The following BABAM1 variants were observed in gnomAD, a reference collection of about 807,000 sequenced individuals.
The protein encoded by BABAM1 is BRISC and BRCA1 A complex member 1, also known as BRISC and BRCA1-A complex member 1.
In BABAM1, 14 loss-of-function variants were observed where a neutral mutation model predicts 34.4. The ratio of observed to expected loss-of-function variants is 0.41; its 90% CI spans 0.27 to 0.64. The LOEUF (loss-of-function observed/expected upper bound fraction) is 0.64, where lower values mean the gene tolerates loss of function less well. Among genes scored for constraint, BABAM1 ranks in the 30% least tolerant of loss-of-function variants. The pLI is 0.34. For synonymous variants in BABAM1, 169 were observed against 165.8 expected (o/e 1.02, Z -0.15); for missense variants, 393 against 434.0 (o/e 0.91, Z 0.84).
intron 3 of BABAM1, among the ~76,000 whole-genome samples, chr19:17,272,671 G>T (rs1014111103): frequency 2.0e-5 from 3 of 151,718 alleles, no homozygotes; most frequent in Non-Finnish European, 4.4e-5. Context: ...CTCCCAAAGT[G>T]CTGGGATTAC....
chr19:17,270,293 C>T (rs1486376652), intron 2 of BABAM1, among the ~76,000 whole-genome samples: 1 of 152,066 alleles, frequency 6.6e-6, no homozygotes, highest in Non-Finnish European at 1.5e-5. Flanking sequence ...TGTGTTCCAC[C>T]CACCTCAGCC....
In BABAM1 at chr19:17,268,911, G is replaced by A. The variant is rs368850794; in HGVS notation, c.105G>A (p.Glu35=). ...CTCGCTCCAATCCTGAAGGGGCTGA[G>A]GACCGGGCAGTAGGGGCACAGGCCA... ...PRTRSNPEGA[E]DRAVGAQASV... Residue 35 remains glutamate (E), a synonymous_variant, in exon 2 of 9, where the codon GAG becomes GAA. Transcript: ENST00000598188. 21 of 1,582,740 alleles carry A rather than the reference G, an allele frequency of 1.3e-5. No homozygotes were observed. The highest frequency in any genetic ancestry group is 1.6e-5 in the Non-Finnish European group (19 of 1,165,576).
At chr19:17,267,638 C>T (rs892843039) in intron 1 of BABAM1, 111 bp downstream of exon 1, 1 of 152,284 alleles carries the variant, frequency 6.6e-6, no homozygotes, top group Non-Finnish European at 1.5e-5. Context: ...CTGGTTTCTC[C>T]TGCAGTGTAG....
intron 3 of BABAM1, among the ~76,000 whole-genome samples, chr19:17,273,489 C>T (rs529434170): frequency 5.9e-5 from 9 of 151,928 alleles, no homozygotes; most frequent in African/African-American, 2.2e-4. Flanking sequence ...TGCAGTATGA[C>T]CTATACCTCC....
intron 1 of BABAM1, chr19:17,268,507 C>T (rs956713298): frequency 8.3e-6 from 2 of 241,920 alleles, no homozygotes; most frequent in Non-Finnish European, 1.6e-5. Context: ...CTCGGCTCAC[C>T]GCAGCCTCCC....
chr19:17,275,911 C>G (rs1413720666), intron 6 of BABAM1, 86 bp downstream of exon 6: 2 of 1,478,964 alleles, frequency 1.4e-6, no homozygotes, highest in Non-Finnish European at 1.9e-6. Flanking sequence ...CAGAAGTAAT[C>G]TAGGGAGCCT....
rs752482681 is a variant in BABAM1 at position 17,279,333 on chromosome 19, G to A, written c.*285G>A. ...CCATCAAAATAAAAATTTGAGACTC[G>A]TTAACCGAAGTCCACGCCAATCACT... On this transcript the variant is annotated 3_prime_UTR_variant, in exon 9 of 9. Transcript: ENST00000598188. The A allele has an allele frequency of 6.7e-5, 24 of 357,438 alleles. No individual in the cohort carries two copies. Among genetic ancestry groups the A allele is most frequent in the East Asian group, 2.0e-4 (4 of 20,224 alleles). 22.1% of individuals were successfully genotyped at this position (357,438 alleles called of 1,614,324 possible). A position where few individuals can be genotyped will look rare whatever the true frequency, so the allele number is the denominator to read the frequency against.
intron 7 of BABAM1, 84 bp from the exon 8 acceptor site, chr19:17,276,739 C>T (rs1418505229): frequency 5.8e-6 from 9 of 1,554,518 alleles, no homozygotes; most frequent in Non-Finnish European, 7.0e-6. Context: ...TTCCCAGAGT[C>T]TGAGGCAGAA....
At chr19:17,277,092 C>T in intron 8 of BABAM1, 183 bp downstream of exon 8, 1 of 602,912 alleles carries the variant, frequency 1.7e-6, no homozygotes, top group Non-Finnish European at 2.9e-6. Context: ...GATGGGGTGG[C>T]AGCCATTGGG....
At chr19:17,273,564 G>GTTTTTTTTTTTTTTTTTTTTTTTTTT (rs754203595) in intron 3 of BABAM1, among the ~76,000 whole-genome samples, 11 of 45,940 alleles carry the variant, frequency 2.4e-4, no homozygotes, top group Non-Finnish European at 3.1e-4. Context: ...TGTTTGTTTT[G>GTTTTTTTTTTTTTTTTTTTTTTTTTT]TTTTTTTTTT....
intron 6 of BABAM1, 142 bp downstream of exon 6, chr19:17,275,967 A>C: frequency 2.1e-6 from 2 of 943,836 alleles, no homozygotes; most frequent in Non-Finnish European, 1.6e-6. Flanking sequence ...TTCCTCATTT[A>C]TGTGTGTCTT....
chr19:17,276,738 T>C, intron 7 of BABAM1, 85 bp from the exon 8 acceptor site: 1 of 1,554,112 alleles, frequency 6.4e-7, no homozygotes, highest in Non-Finnish European at 8.7e-7. Flanking sequence ...GTTCCCAGAG[T>C]CTGAGGCAGA....
chr19:17,274,912 A>G (rs994872951), intron 5 of BABAM1, among the ~76,000 whole-genome samples: 3 of 151,900 alleles, frequency 2.0e-5, no homozygotes, highest in South Asian at 4.1e-4. Flanking sequence ...AGGAAAGGGG[A>G]CCTTTTTTTA....
At chr19:17,277,833 G>A (rs888505951) in intron 8 of BABAM1, among the ~76,000 whole-genome samples, 1 of 152,036 alleles carries the variant, frequency 6.6e-6, no homozygotes, top group Non-Finnish European at 1.5e-5. Context: ...GAGCTGTGAT[G>A]AAGCCACTGC....
chr19:17,276,970 C>G, intron 8 of BABAM1, 61 bp downstream of exon 8: 2 of 1,463,018 alleles, frequency 1.4e-6, no homozygotes, highest in African/African-American at 1.4e-5. Flanking sequence ...TTGGAACACA[C>G]CTGCACTGGG....
chr19:17,274,047 G>A (rs752378406), intron 4 of BABAM1, 23 bp downstream of exon 4: 6 of 1,613,798 alleles, frequency 3.7e-6, no homozygotes, highest in Non-Finnish European at 5.1e-6. Context: ...CAGGCGCTGG[G>A]TGCCCTGGGG....
intron 5 of BABAM1, among the ~76,000 whole-genome samples, chr19:17,275,071 A>G (rs1312600937): frequency 6.6e-6 from 1 of 151,796 alleles, no homozygotes; most frequent in East Asian, 1.9e-4. Flanking sequence ...ACACCTGGCT[A>G]ATTTTGAATG....
Position 17,275,837 on chromosome 19 carries a change from G to A in BABAM1, c.569+12G>A. ...CTTTTCAGCCTCATGTAAGTCCCCT[G>A]TGGGGAAATTCTTATTCACCTTCAA... On this transcript the variant is annotated intron_variant, in intron 6 of 8. Coordinates refer to ENST00000598188, the MANE Select transcript of BABAM1 (RefSeq NM_014173.4). The A allele has an allele frequency of 6.2e-7, 1 of 1,612,620 alleles. No homozygotes were observed.
chr19:17,278,792 T>A, intron 8 of BABAM1, 53 bp from the exon 9 acceptor site: 1 of 1,530,412 alleles, frequency 6.5e-7, no homozygotes, highest in East Asian at 2.3e-5. Flanking sequence ...GAAGGGCCTG[T>A]TGGGGTAACC....
Sources: gnomAD v4.1 joint callset for allele counts (sites outside exome capture counted in the v4.1 genomes callset) on GRCh38, gnomAD v4.1.1 for gene constraint, MANE v1.5 for transcripts, NCBI Gene and HGNC (gene_info 2026-07-23, HGNC 2026-07-21) for gene names.